Variants in MBTD1 observed in about 807,000 individuals in gnomAD.
MBTD1 encodes MBT domain-containing protein 1.
Under a neutral mutation model 87.8 loss-of-function variants are expected in MBTD1, and 24 were observed. The observed-to-expected ratio is 0.27, with a 90% CI of 0.20 to 0.38. The LOEUF (loss-of-function observed/expected upper bound fraction) is 0.38. MBTD1 is among the 10% of genes least tolerant of loss of function. The pLI is 1.00. For synonymous variants in MBTD1, 237 were observed against 248.6 expected (o/e 0.95, Z 0.44); for missense variants, 436 against 760.2 (o/e 0.57, Z 5.02).
intron 6 of MBTD1, among the ~76,000 whole-genome samples, chr17:51,213,038 A>C (rs1171140990): frequency 2.0e-5 from 3 of 151,762 alleles, no homozygotes; most frequent in Non-Finnish European, 2.9e-5. Context: ...TGAAGAGCAT[A>C]TATTTTTATT....
intron 2 of MBTD1, among the ~76,000 whole-genome samples, chr17:51,244,659 G>A (rs536212300): frequency 2.5e-4 from 38 of 152,170 alleles, no homozygotes; most frequent in Admixed American, 5.2e-4. Flanking sequence ...CTGCCCCACT[G>A]AGCCTCCCAA....
At chr17:51,188,555 T>A (rs2050651054) in intron 16 of MBTD1, among the ~76,000 whole-genome samples, 1 of 152,196 alleles carries the variant, frequency 6.6e-6, no homozygotes, top group South Asian at 2.1e-4. Flanking sequence ...CTGGTATTTA[T>A]ATCAGTCTGC....
At chr17:51,182,554 A>G (rs1437702248) in intron 16 of MBTD1, among the ~76,000 whole-genome samples, 1 of 152,226 alleles carries the variant, frequency 6.6e-6, no homozygotes, top group Non-Finnish European at 1.5e-5. Flanking sequence ...GCTGTGATCA[A>G]TGGGAACTGA....
intron 3 of MBTD1, among the ~76,000 whole-genome samples, chr17:51,224,632 G>A (rs1005413571): frequency 6.6e-6 from 1 of 152,172 alleles, no homozygotes; most frequent in Non-Finnish European, 1.5e-5. Flanking sequence ...CACCAGTTAT[G>A]TTAAAACGGA....
At chr17:51,194,521 A>C (rs2050973958) in intron 13 of MBTD1, among the ~76,000 whole-genome samples, 1 of 139,822 alleles carries the variant, frequency 7.2e-6, no homozygotes, top group African/African-American at 2.7e-5. Flanking sequence ...AAGAGGTGAG[A>C]TAGCACCCCT....
chr17:51,237,220 C>T (rs553904911), intron 2 of MBTD1, among the ~76,000 whole-genome samples: 3 of 146,552 alleles, frequency 2.0e-5, no homozygotes, highest in Admixed American at 1.4e-4. Context: ...CGCTTAACCC[C>T]AGGAGGCAGA....
chr17:51,248,715 G>A (rs2054596527), intron 2 of MBTD1, among the ~76,000 whole-genome samples: 1 of 152,096 alleles, frequency 6.6e-6, no homozygotes, highest in African/African-American at 2.4e-5. Context: ...TTTTATTGCT[G>A]AGTAATACTC....
chr17:51,224,989 G>A lies in MBTD1; in HGVS notation c.154+19C>T. The stretch of plus-strand genomic sequence containing the variant: ...TTAAACATAAAGCTGTAGAACAGGT[G>A]AAGGTTATAAATACTCACCCATGCC... On this transcript the variant is annotated intron_variant, in intron 3 of 16. Transcript: ENST00000586178. 1 of 1,499,082 alleles carries A rather than the reference G, an allele frequency of 6.7e-7. No homozygotes were observed. Among genetic ancestry groups the A allele is most frequent in the Non-Finnish European group, 9.0e-7 (1 of 1,110,394 alleles). 92.9% of individuals were successfully genotyped at this position (1,499,082 alleles called of 1,614,324 possible).
chr17:51,202,743 T>C lies in MBTD1; in HGVS notation c.1021A>G (p.Ile341Val), dbSNP rs2051564301. The C allele has an allele frequency of 6.2e-7, 1 of 1,614,124 alleles. No homozygotes were observed. The highest frequency in any genetic ancestry group is 1.3e-5 in the African/African-American group (1 of 75,044). Residue 341 changes from isoleucine to valine, a missense_variant, in exon 10 of 17, where the codon ATT (isoleucine) becomes GTT (valine). Coordinates refer to ENST00000586178, the MANE Select transcript of MBTD1 (RefSeq NM_017643.3). ...TGACCTATGCTTCGAGACCAACCAA[T>C]ATGATGTATTAATGGGCTGTGCATA... is the stretch of plus-strand genomic sequence containing the variant. Reference protein sequence around the residue: ...CHMHSPLIHHIGWSRSIGHRF... With the variant: ...CHMHSPLIHHVGWSRSIGHRF...
chr17:51,202,675 CAGG>C (rs778222038), intron 10 of MBTD1, 23 bp downstream of exon 10: 7 of 1,535,928 alleles, frequency 4.6e-6, no homozygotes, highest in Non-Finnish European at 6.3e-6. Flanking sequence ...ATGCTTTTGA[CAGG>C]AGTTCTTGTG....
intron 2 of MBTD1, chr17:51,250,481 C>A (rs1284064414): frequency 6.6e-6 from 1 of 152,182 alleles, no homozygotes; most frequent in African/African-American, 2.4e-5. Context: ...TGTTCTGCAG[C>A]CCTAATACCT....
chr17:51,185,192 A>G (rs2050480629), intron 16 of MBTD1: 1 of 152,248 alleles, frequency 6.6e-6, no homozygotes, highest in East Asian at 1.9e-4. Flanking sequence ...AACATACAAG[A>G]CATTTTAAAG....
upstream of MBTD1, chr17:51,260,419 A>C: frequency 3.3e-5 from 23 of 700,122 alleles, no homozygotes; most frequent in Non-Finnish European, 4.9e-5. Context: ...GGGGCTGGGT[A>C]GGGGAGCGGG....
chr17:51,259,447 C>T (rs955699316), intron 1 of MBTD1, among the ~76,000 whole-genome samples: 2 of 152,156 alleles, frequency 1.3e-5, no homozygotes, highest in African/African-American at 4.8e-5. Flanking sequence ...ACTGTGCTCC[C>T]CCTCCCCGCC....
chr17:51,179,484 TTATATATATATATATA>T lies in MBTD1; in HGVS notation c.*1076_*1091del, dbSNP rs56750454. On this transcript the variant is annotated 3_prime_UTR_variant, in exon 17 of 17. Transcript: ENST00000586178. ...ATCCTGAATACAATTAAAGACAATT[TTATATATATATATATA>T]TATATATATATATATATATATATAT... 80 of 35,294 alleles carry T rather than the reference TTATATATATATATATA, an allele frequency of 2.3e-3. No individual in the cohort carries two copies. Among genetic ancestry groups the T allele is most frequent in the East Asian group, 0.011 (12 of 1,076 alleles). 2.2% of individuals were successfully genotyped at this position (35,294 alleles called of 1,614,324 possible). A position where few individuals can be genotyped will look rare whatever the true frequency, so the allele number is the denominator to read the frequency against.
intron 2 of MBTD1, 101 bp downstream of exon 2, chr17:51,259,042 G>C (rs895785192): frequency 5.0e-6 from 2 of 397,474 alleles, no homozygotes; most frequent in Admixed American, 8.8e-5. Flanking sequence ...GTCTAATAAG[G>C]GTAGGCAGAC....
At chr17:51,202,566 A>T in intron 10 of MBTD1, 135 bp downstream of exon 10, 1 of 677,844 alleles carries the variant, frequency 1.5e-6, no homozygotes, top group Non-Finnish European at 2.6e-6. Context: ...AACCTTCACT[A>T]ATTAAGGTAG....
At chr17:51,247,855 C>T (rs2054540483) in intron 2 of MBTD1, among the ~76,000 whole-genome samples, 1 of 152,142 alleles carries the variant, frequency 6.6e-6, no homozygotes, top group Non-Finnish European at 1.5e-5. Flanking sequence ...ACCATCTAGG[C>T]CTGGTGTTTG....
intron 6 of MBTD1, among the ~76,000 whole-genome samples, chr17:51,210,063 G>A (rs1319533288): frequency 2.0e-5 from 3 of 152,008 alleles, no homozygotes; most frequent in Non-Finnish European, 4.4e-5. Context: ...GTGAAGTGGC[G>A]CGATCTCGGC....
Sources: allele counts gnomAD v4.1 joint callset (sites outside exome capture counted in the v4.1 genomes callset), GRCh38; gene constraint gnomAD v4.1.1; transcripts MANE v1.5; gene names NCBI Gene and HGNC (gene_info 2026-07-23, HGNC 2026-07-21).